Variants in STAP2 observed in about 807,000 individuals in gnomAD.
STAP2 encodes the protein signal-transducing adaptor protein 2.
A neutral mutation model predicts 52.7 loss-of-function variants in STAP2; 58 were observed. That is an observed-to-expected ratio of 1.10 (90% CI 0.89 to 1.37). The LOEUF (loss-of-function observed/expected upper bound fraction) is 1.37. Ranked by LOEUF, STAP2 falls within the 40% of genes most tolerant of loss-of-function variation. The pLI, the probability that STAP2 is intolerant of heterozygous loss-of-function variation, is 0.00. For synonymous variants in STAP2, 231 were observed against 210.5 expected, an observed-to-expected ratio of 1.10 and a Z score of -0.84; for missense variants, 522 against 519.4, an observed-to-expected ratio of 1.00 and a Z score of -0.05.
Position 4,333,733 on chromosome 19 carries a change from G to A in STAP2, c.258C>T (p.His86=). ...PWGSSRDPGT[H]FSLILRDQEI... ...CCTGATCCCGGAGAATCAGGCTGAA[G>A]TGGGTGCCAGGGTCACGTGAGCTTC... The change falls in exon 3 of 13, where the codon CAC becomes CAT. Residue 86 remains histidine, a synonymous_variant. Transcript: ENST00000594605. 1.2e-6 allele frequency: 2 copies of A among 1,613,234 alleles called. No homozygotes were observed. Among genetic ancestry groups the A allele is most frequent in the Non-Finnish European group, 8.5e-7 (1 of 1,179,976 alleles).
At position 4,327,107 on chromosome 19, in the gene STAP2, C is replaced by T. The variant is rs367640930; in HGVS notation, c.763+17G>A. ...AGGTGAGCACTGGGCCCCCGAACTCCCCGAAGGGGCACCCACCTAGCACCT... is the reference window on the plus strand; with the variant it reads ...AGGTGAGCACTGGGCCCCCGAACTCTCCGAAGGGGCACCCACCTAGCACCT... On this transcript the variant is annotated intron_variant, in intron 8 of 12. Coordinates refer to ENST00000594605, the MANE Select transcript of STAP2 (RefSeq NM_001013841.2). 1.1e-4 allele frequency: 171 copies of T among 1,613,886 alleles called. No homozygotes were observed. The highest frequency in any genetic ancestry group is 1.4e-4 in the Non-Finnish European group (160 of 1,179,940).
intron 1 of STAP2, 109 bp from the exon 2 acceptor site, chr19:4,334,153 G>C: frequency 1.2e-6 from 1 of 824,844 alleles, no homozygotes; most frequent in Admixed American, 3.1e-5. Context: ...TCTGCCCCAC[G>C]CTGCCCCCAG....
intron 1 of STAP2, chr19:4,338,171 G>A (rs891240717): frequency 1.9e-5 from 3 of 158,180 alleles, no homozygotes; most frequent in Admixed American, 1.3e-4. Context: ...TATCTGTCCT[G>A]TGGAATGTGG....
chr19:4,333,874 G>A, intron 2 of STAP2, 58 bp from the exon 3 acceptor site: 1 of 1,613,044 alleles, frequency 6.2e-7, no homozygotes, highest in Non-Finnish European at 8.5e-7. Flanking sequence ...AGGCCCCCTG[G>A]ATGATGTAGC....
chr19:4,338,027 G>A (rs1301088024), intron 1 of STAP2, among the ~76,000 whole-genome samples: 1 of 152,102 alleles, frequency 6.6e-6, no homozygotes, highest in African/African-American at 2.4e-5. Flanking sequence ...CTAACAAAAA[G>A]AAAGAAAGAA....
rs965864766 is a variant in STAP2, at chr19:4,334,039, G to A, written c.108C>T (p.Tyr36=). Residue 36 remains tyrosine (Y), a synonymous_variant, in exon 2 of 13, where the codon TAC becomes TAT. Coordinates refer to ENST00000594605, the MANE Select transcript of STAP2 (RefSeq NM_001013841.2). ...CCTGCAGGCCTGCCCAGAACTTCTT[G>A]TAATCCTAGGGACCAGAAGTGCAGA... ...LEKKGPCDRD[Y]KKFWAGLQGL... 3.3e-5 allele frequency: 53 copies of A among 1,610,326 alleles called. No individual in the cohort carries two copies. Among genetic ancestry groups the A allele is most frequent in the Admixed American group, 5.1e-5 (3 of 58,904 alleles).
At chr19:4,333,606 C>T in intron 3 of STAP2, 88 bp downstream of exon 3, 1 of 1,503,162 alleles carries the variant, frequency 6.7e-7, no homozygotes, top group Non-Finnish European at 8.8e-7. Flanking sequence ...ACTACCTGCC[C>T]CTTCGTGGTT....
chr19:4,333,997 G>C lies in STAP2; in HGVS notation c.150C>G (p.Phe50Leu). The change falls in exon 2 of 13, where the codon TTC (phenylalanine) becomes TTG (leucine). Residue 50 changes from phenylalanine (F) to leucine (L), a missense_variant. Physicochemically the swap from Phe to Leu is conservative, Grantham distance 22. Transcript: ENST00000594605. ...CCTGGAAGTCCCGATTGCTATTGTA[G>C]AAATAAATGGTGAGACCCTGCAGGC... ...WAGLQGLTIY[F>L]YNSNRDFQHV... The C allele has an allele frequency of 3.1e-6, 5 of 1,613,436 alleles. No homozygotes were observed. Among genetic ancestry groups the C allele is most frequent in the Non-Finnish European group, 4.2e-6 (5 of 1,179,708 alleles).
chr19:4,333,871 C>A, intron 2 of STAP2, 55 bp from the exon 3 acceptor site: 1 of 1,612,942 alleles, frequency 6.2e-7, no homozygotes, highest in Non-Finnish European at 8.5e-7. Context: ...TCCAGGCCCC[C>A]TGGATGATGT....
chr19:4,330,103 GGGAA>G, intron 4 of STAP2, 42 bp from the exon 5 acceptor site: 1 of 1,515,824 alleles, frequency 6.6e-7, no homozygotes, highest in Non-Finnish European at 9.2e-7. Context: ...CTGGCCAGCC[GGGAA>G]TGGACGGCTG....
chr19:4,333,623 A>T, intron 3 of STAP2, 71 bp downstream of exon 3: 3 of 1,527,286 alleles, frequency 2.0e-6, no homozygotes, highest in Non-Finnish European at 2.6e-6. Context: ...GGTTGGCACA[A>T]TGGAGGGTAG....
intron 4 of STAP2, 106 bp from the exon 5 acceptor site, chr19:4,330,167 C>T: frequency 1.2e-6 from 1 of 810,326 alleles, no homozygotes; most frequent in Middle Eastern, 2.3e-4. Context: ...GAGCAATGAA[C>T]TCTGACACCT....
In STAP2 at chr19:4,325,474, G is replaced by T; in HGVS notation, c.901C>A (p.Pro301Thr). The change falls in exon 10 of 13, where the codon CCC becomes ACC. Residue 301 changes from proline (P) to threonine (T), a missense_variant. Pro to Thr is a conservative substitution (Grantham distance 38). Coordinates refer to ENST00000594605, the MANE Select transcript of STAP2 (RefSeq NM_001013841.2). ...ASSQDKLPPL[P>T]PLPNQEENYV... ...TTCTCTTCCTGGTTCGGTAGTGGGG[G>T]CAGTGGGGGCAGCTTGTCCTGGCTA... 1 of 1,613,768 alleles carries T rather than the reference G, an allele frequency of 6.2e-7. No individual in the cohort carries two copies. The highest frequency in any genetic ancestry group is 8.5e-7 in the Non-Finnish European group (1 of 1,179,778).
rs766180711 is a variant in STAP2 at position 4,338,654 on chromosome 19, G to C, written c.100C>G (p.Arg34Gly). 1.3e-6 allele frequency: 2 copies of C among 1,486,990 alleles called. No individual in the cohort carries two copies. Among genetic ancestry groups the C allele is most frequent in the Non-Finnish European group, 1.8e-6 (2 of 1,099,616 alleles). 92.1% of individuals were successfully genotyped at this position (1,486,990 alleles called of 1,614,324 possible). A position where few individuals can be genotyped will look rare whatever the true frequency, so the allele number is the denominator to read the frequency against. Reference sequence around the variant, plus strand: ...CAGCCCCCGCCTCCCCACCTTACCCGGTCACAGGGCCCCTTCTTCTCTAGA... The same window carrying C: ...CAGCCCCCGCCTCCCCACCTTACCCCGTCACAGGGCCCCTTCTTCTCTAGA... ...SFLEKKGPCD[R>G]DYKKFWAGLQ... is the part of the protein sequence containing the mutation. Residue 34 changes from arginine (R) to glycine (G), a missense_variant and splice_region_variant, in exon 1 of 13, where the codon CGG (arginine) becomes GGG (glycine). Coordinates refer to ENST00000594605, the MANE Select transcript of STAP2 (RefSeq NM_001013841.2).
Position 4,326,935 on chromosome 19 carries a change from G to C in STAP2, c.829+7C>G. ...TCCCACCTCGGCCCGCGGGAAGGGG[G>C]CGTCACCTGGGCCCGGAGCGGAGGG... On this transcript the variant is annotated splice_region_variant and intron_variant, in intron 9 of 12. Coordinates refer to ENST00000594605, the MANE Select transcript of STAP2 (RefSeq NM_001013841.2). The C allele has an allele frequency of 3.2e-6, 5 of 1,551,248 alleles. No homozygotes were observed. The highest frequency in any genetic ancestry group is 4.4e-6 in the Non-Finnish European group (5 of 1,146,898).
chr19:4,324,066 TG>T lies in STAP2; in HGVS notation c.*66del, dbSNP rs1252900449. The T allele has an allele frequency of 6.6e-7, 1 of 1,510,320 alleles. No individual in the cohort carries two copies. The highest frequency in any genetic ancestry group is 1.4e-5 in the African/African-American group (1 of 72,228). 93.6% of individuals were successfully genotyped at this position (1,510,320 alleles called of 1,614,324 possible). On this transcript the variant is annotated 3_prime_UTR_variant, in exon 13 of 13. Transcript: ENST00000594605. The stretch of plus-strand genomic sequence containing the variant: ...GGTCCTGGGGTCAGAGTTTTAATCC[TG>T]GGAAAAAGAATCTGGCCGCTGGGCC...
rs749510434 is a variant in STAP2, at chr19:4,338,632, C to T, written c.102+20G>A. 3.1e-6 allele frequency: 5 copies of T among 1,606,116 alleles called. No individual in the cohort carries two copies. The highest frequency in any genetic ancestry group is 4.3e-6 in the Non-Finnish European group (5 of 1,175,986). ...CCCCACGGTGGCCCAGCAGGGCCAGCCCCCGCCTCCCCACCTTACCCGGTC... is the reference window on the plus strand; with the variant it reads ...CCCCACGGTGGCCCAGCAGGGCCAGTCCCCGCCTCCCCACCTTACCCGGTC... On this transcript the variant is annotated intron_variant, in intron 1 of 12. Coordinates refer to ENST00000594605, the MANE Select transcript of STAP2 (RefSeq NM_001013841.2).
chr19:4,327,660 G>C (rs1219079764), intron 6 of STAP2, among the ~76,000 whole-genome samples: 2 of 151,852 alleles, frequency 1.3e-5, no homozygotes, highest in Non-Finnish European at 2.9e-5. Flanking sequence ...CTCTAGTCTT[G>C]GCACCACCTC....
Position 4,326,876 on chromosome 19 carries a change from AG to A in STAP2, c.829+65del. 6 of 1,505,444 alleles carry A rather than the reference AG, an allele frequency of 4.0e-6. No individual in the cohort carries two copies. The South Asian group carries it at 7.2e-5, about 18-fold the overall frequency. 93.3% of individuals were successfully genotyped at this position (1,505,444 alleles called of 1,614,324 possible). ...GGAGGTGCAGCCACCAAACTGACTG[AG>A]GGGGCGTGGCTGAATGCGGGGTCCT... On this transcript the variant is annotated intron_variant, in intron 9 of 12. Transcript: ENST00000594605.
Sources: allele counts gnomAD v4.1 joint callset (sites outside exome capture counted in the v4.1 genomes callset), GRCh38; gene constraint gnomAD v4.1.1; transcripts MANE v1.5; gene names NCBI Gene and HGNC (gene_info 2026-07-23, HGNC 2026-07-21).